The following C16orf87 variants were observed in gnomAD, a reference collection of about 807,000 sequenced individuals.
The protein encoded by C16orf87 is UPF0547 protein C16orf87.
In C16orf87, 13 loss-of-function variants were observed where a neutral mutation model predicts 21.0. The ratio of observed to expected loss-of-function variants is 0.62; its 90% CI spans 0.40 to 0.98. The LOEUF is 0.98. C16orf87 is among the 50% of genes least tolerant of loss of function. C16orf87 has a pLI of 0.00. For missense variants in C16orf87, 113 were observed against 180.4 expected (o/e 0.63, Z 2.14); for synonymous variants, 49 against 60.2 (o/e 0.81, Z 0.86).
chr16:46,810,403 G>C (rs114467874), intron 2 of C16orf87, among the ~76,000 whole-genome samples: 2,475 of 152,144 alleles, frequency 0.016, 76 homozygotes, highest in African/African-American at 0.057. Flanking sequence ...GATTTAATTA[G>C]TGCAAGAAGC....
chr16:46,823,019 T>C (rs1228301260), intron 2 of C16orf87, among the ~76,000 whole-genome samples: 1 of 152,220 alleles, frequency 6.6e-6, no homozygotes, highest in Admixed American at 6.5e-5. Context: ...ATATAAAAAA[T>C]GTTTTCCAAC....
At chr16:46,829,949 G>T (rs1008092589) in intron 1 of C16orf87, among the ~76,000 whole-genome samples, 15 of 150,494 alleles carry the variant, frequency 1.0e-4, no homozygotes, top group Non-Finnish European at 1.3e-4. Flanking sequence ...AAAGGCGGTG[G>T]GGGGAGGGGA....
intron 1 of C16orf87, among the ~76,000 whole-genome samples, chr16:46,826,188 T>G (rs773255250): frequency 2.6e-5 from 4 of 152,196 alleles, no homozygotes; most frequent in Non-Finnish European, 4.4e-5. Flanking sequence ...CTTATAACTG[T>G]TTTTTAAGCC....
At chr16:46,807,614 C>G (rs1967968719) in intron 3 of C16orf87, among the ~76,000 whole-genome samples, 1 of 152,206 alleles carries the variant, frequency 6.6e-6, no homozygotes, top group African/African-American at 2.4e-5. Context: ...GATAGTATGG[C>G]CCACAAAGCC....
chr16:46,801,494 T>C lies in C16orf87; in HGVS notation c.*1458A>G, dbSNP rs995004334. 2 of 152,250 alleles carry C rather than the reference T, an allele frequency of 1.3e-5. No individual in the cohort carries two copies. Among genetic ancestry groups the C allele is most frequent in the African/African-American group, 4.8e-5 (2 of 41,454 alleles). The allele number at this position is 152,250 out of a possible 1,614,324, so 9.4% of individuals were successfully genotyped here. A position where few individuals can be genotyped will look rare whatever the true frequency, so the allele number is the denominator to read the frequency against. ...GAGACAGTGCCACTGCACTCCAGCCTGGGCGACCGAGCAAGACTCTGTCTC... is the reference window on the plus strand; with the variant it reads ...GAGACAGTGCCACTGCACTCCAGCCCGGGCGACCGAGCAAGACTCTGTCTC... On this transcript the variant is annotated 3_prime_UTR_variant, in exon 4 of 4. Transcript: ENST00000285697.
intron 1 of C16orf87, among the ~76,000 whole-genome samples, chr16:46,824,907 G>A (rs376209909): frequency 6.6e-6 from 1 of 151,862 alleles, no homozygotes; most frequent in Admixed American, 6.6e-5. Context: ...CTCGTGATCC[G>A]CCCACCTCAG....
rs1967760357 is a variant in C16orf87, at chr16:46,801,157, T to A, written c.*1795A>T. The A allele has an allele frequency of 6.6e-6, 1 of 152,232 alleles. No homozygotes were observed. Among genetic ancestry groups the A allele is most frequent in the Non-Finnish European group, 1.5e-5 (1 of 68,044 alleles). The allele number at this position is 152,232 out of a possible 1,614,324, so 9.4% of individuals were successfully genotyped here. On this transcript the variant is annotated 3_prime_UTR_variant, in exon 4 of 4. Transcript: ENST00000285697. ...TTTTACTTAAAATCAAAAGTTTCCT[T>A]ACAGTATGTTTCAAAGATAAAATCA...
At position 46,824,273 on chromosome 16, in the gene C16orf87, C is replaced by T. The variant is rs966406859; in HGVS notation, c.163+113G>A. ...CAATAGTTAATAAAAGCCAAAAACA[C>T]TTGAATAGATTTAAACTTTTAACTT... On this transcript the variant is annotated intron_variant, in intron 2 of 3. Transcript: ENST00000285697. The T allele has an allele frequency of 8.2e-6, 5 of 609,152 alleles. No individual in the cohort carries two copies. The African/African-American group carries it at 9.8e-5, about 12-fold the overall frequency. 37.7% of individuals were successfully genotyped at this position (609,152 alleles called of 1,614,324 possible).
intron 1 of C16orf87, among the ~76,000 whole-genome samples, chr16:46,829,901 T>C (rs1959775187): frequency 7.3e-6 from 1 of 137,622 alleles, no homozygotes; most frequent in Non-Finnish European, 1.5e-5. Flanking sequence ...TTAAAAAGTC[T>C]CCAGCCATTT....
At chr16:46,819,708 C>T (rs1009811328) in intron 2 of C16orf87, among the ~76,000 whole-genome samples, 6 of 151,874 alleles carry the variant, frequency 4.0e-5, no homozygotes, top group Non-Finnish European at 7.4e-5. Flanking sequence ...GGCGCAGTGG[C>T]TCATGCCTGT....
intron 2 of C16orf87, among the ~76,000 whole-genome samples, chr16:46,820,214 CAAT>C (rs1959360375): frequency 6.6e-6 from 1 of 152,122 alleles, no homozygotes; most frequent in Non-Finnish European, 1.5e-5. Flanking sequence ...AAACTGTGTA[CAAT>C]AATTGAATAA....
rs1439749363 is a variant in C16orf87, at chr16:46,800,809, G to A, written c.*2143C>T. On this transcript the variant is annotated 3_prime_UTR_variant, in exon 4 of 4. Coordinates refer to ENST00000285697, the MANE Select transcript of C16orf87 (RefSeq NM_001001436.4). ...ATAGAGTACAATTTTTTGAAAAATT[G>A]GTTAAATAGGTTATGTCACAGAGGA... is the stretch of plus-strand genomic sequence containing the variant. The A allele has an allele frequency of 6.6e-6, 1 of 152,076 alleles. No homozygotes were observed. Among genetic ancestry groups the A allele is most frequent in the Non-Finnish European group, 1.5e-5 (1 of 68,014 alleles). The allele number at this position is 152,076 out of a possible 1,614,324, so 9.4% of individuals were successfully genotyped here. A position where few individuals can be genotyped will look rare whatever the true frequency, so the allele number is the denominator to read the frequency against.
At chr16:46,806,250 C>T (rs1047736659) in intron 3 of C16orf87, among the ~76,000 whole-genome samples, 4 of 150,194 alleles carry the variant, frequency 2.7e-5, no homozygotes, top group Non-Finnish European at 4.4e-5. Flanking sequence ...TTGAAGTCTA[C>T]ATTCATTTTT....
intron 2 of C16orf87, among the ~76,000 whole-genome samples, chr16:46,811,932 G>A (rs1371979908): frequency 6.6e-6 from 1 of 152,100 alleles, no homozygotes; most frequent in Non-Finnish European, 1.5e-5. Context: ...CAGCCTGGGT[G>A]ACAAAGCGAC....
At chr16:46,810,733 A>G (rs1968055401) in intron 2 of C16orf87, among the ~76,000 whole-genome samples, 1 of 152,234 alleles carries the variant, frequency 6.6e-6, no homozygotes, top group African/African-American at 2.4e-5. Context: ...ATTAATCTGA[A>G]GTTTCAAATT....
intron 2 of C16orf87, among the ~76,000 whole-genome samples, chr16:46,817,939 A>AAAC (rs1226959901): frequency 1.2e-4 from 18 of 147,676 alleles, no homozygotes; most frequent in African/African-American, 4.3e-4. Flanking sequence ...AAAAAAAAAA[A>AAAC]CCACAAAAAT....
Position 46,828,564 on chromosome 16 carries a change from C to T in C16orf87, c.66+2520G>A, listed in dbSNP as rs74016199. On this transcript the variant is annotated intron_variant, in intron 1 of 3. Coordinates refer to ENST00000285697, the MANE Select transcript of C16orf87 (RefSeq NM_001001436.4). ...TTTAGAATGATATGTTCAATAGAAG[C>T]CTGCAAAGGAGATGTTACAAAGCAG... is the stretch of plus-strand genomic sequence containing the variant. Among the ~76,000 whole-genome samples the T allele has an allele frequency of 2.0e-3, 303 of 152,244 alleles. 2 individuals carry two copies. Among genetic ancestry groups the T allele is most frequent in the African/African-American group, 6.9e-3 (285 of 41,558 alleles).
chr16:46,796,990 CA>C lies in C16orf87; in HGVS notation c.*5961del, dbSNP rs201157385. On this transcript the variant is annotated 3_prime_UTR_variant, in exon 4 of 4. Coordinates refer to ENST00000285697, the MANE Select transcript of C16orf87 (RefSeq NM_001001436.4). ...TCAGAGAAAAATAACATGTTTCATA[CA>C]GGGGAAATATTACTTTAATGGCTGC... is the stretch of plus-strand genomic sequence containing the variant. The C allele has an allele frequency of 2.6e-5, 4 of 152,240 alleles. No homozygotes were observed. The highest frequency in any genetic ancestry group is 6.8e-3 in the Middle Eastern group (2 of 294). 9.4% of individuals were successfully genotyped at this position (152,240 alleles called of 1,614,324 possible).
chr16:46,819,176 G>A (rs943029782), intron 2 of C16orf87, among the ~76,000 whole-genome samples: 2 of 151,886 alleles, frequency 1.3e-5, no homozygotes, highest in Non-Finnish European at 2.9e-5. Flanking sequence ...TGTGTGTTTC[G>A]TCCAATTCTT....
Sources: allele counts gnomAD v4.1 joint callset (sites outside exome capture counted in the v4.1 genomes callset), GRCh38; gene constraint gnomAD v4.1.1; transcripts MANE v1.5; gene names NCBI Gene and HGNC (gene_info 2026-07-23, HGNC 2026-07-21).